GRID2: variants seen among roughly 807,000 people sequenced by gnomAD.
The protein encoded by GRID2 is glutamate receptor ionotropic, delta-2.
In GRID2, 33 loss-of-function variants were observed where a neutral mutation model predicts 114.8. The observed-to-expected ratio is 0.29, with a 90% CI of 0.22 to 0.38. The LOEUF (loss-of-function observed/expected upper bound fraction) is 0.38. Ranked by LOEUF, GRID2 falls within the 10% of genes least tolerant of loss-of-function variation. GRID2 has a pLI of 1.00. For missense variants in GRID2, 1,184 were observed against 1,257.7 expected (o/e 0.94, Z 0.89); for synonymous variants, 505 against 449.9 (o/e 1.12, Z -1.55).
chr4:93,002,407 C>CA (rs976957353), intron 2 of GRID2, among the ~76,000 whole-genome samples: 3 of 149,826 alleles, frequency 2.0e-5, no homozygotes, highest in Non-Finnish European at 3.0e-5. Context: ...TTACCGTAGC[C>CA]AAAAAAAACA....
intron 2 of GRID2, among the ~76,000 whole-genome samples, chr4:92,996,662 A>G (rs1445104658): frequency 6.6e-6 from 1 of 152,218 alleles, no homozygotes; most frequent in Non-Finnish European, 1.5e-5. Context: ...ACTCTTTTAG[A>G]TCACTCAGAT....
In GRID2 at chr4:93,372,623, C is replaced by T. The variant is rs181722513; in HGVS notation, c.1246-22984C>T. On this transcript the variant is annotated intron_variant, in intron 8 of 15. Transcript: ENST00000282020. ...TAAATGGTTTCTGTGTCTCTAGTGT[C>T]TTGTAGACATTAGAGGCACAGAAAC... Among the ~76,000 whole-genome samples the T allele has an allele frequency of 7.7e-3, 1,166 of 152,114 alleles. 46 individuals are homozygous for T. The highest frequency in any genetic ancestry group is 0.068 in the Admixed American group (1,041 of 15,258).
At position 93,145,718 on chromosome 4, in the gene GRID2, A is replaced by C. The variant is rs1271173424; in HGVS notation, c.735+34765A>C. Reference sequence around the variant, plus strand: ...ACCATGTTGGCCAGGCTTGTCTCGAACTCCTGACCTCAAGTGAACTGGCCG... The same window carrying C: ...ACCATGTTGGCCAGGCTTGTCTCGACCTCCTGACCTCAAGTGAACTGGCCG... On this transcript the variant is annotated intron_variant, in intron 4 of 15. Transcript: ENST00000282020. Among the ~76,000 whole-genome samples, 41 of 122,326 alleles carry C rather than the reference A, an allele frequency of 3.4e-4. 1 individual carries two copies. Among genetic ancestry groups the C allele is most frequent in the South Asian group, 1.5e-3 (6 of 3,974 alleles). 80.3% of individuals were successfully genotyped at this position (122,326 alleles called of 152,430 possible). A position where few individuals can be genotyped will look rare whatever the true frequency, so the allele number is the denominator to read the frequency against.
intron 8 of GRID2, among the ~76,000 whole-genome samples, chr4:93,245,918 T>C (rs1481505652): frequency 6.6e-6 from 1 of 152,218 alleles, no homozygotes; most frequent in Non-Finnish European, 1.5e-5. Flanking sequence ...ACACAAGAAC[T>C]ACAAAGTCTA....
At chr4:92,869,997 C>A (rs187768083) in intron 2 of GRID2, among the ~76,000 whole-genome samples, 5 of 151,694 alleles carry the variant, frequency 3.3e-5, no homozygotes, top group African/African-American at 1.2e-4. Flanking sequence ...TCAAGACCAG[C>A]CTGAGCAACC....
At chr4:93,327,374 A>C (rs1757944097) in intron 8 of GRID2, among the ~76,000 whole-genome samples, 1 of 152,136 alleles carries the variant, frequency 6.6e-6, no homozygotes, top group Admixed American at 6.6e-5. Context: ...ACAATACAGT[A>C]ATGTGTTCAG....
intron 1 of GRID2, among the ~76,000 whole-genome samples, chr4:92,579,344 T>C (rs1409540506): frequency 6.6e-6 from 1 of 152,074 alleles, no homozygotes; most frequent in Non-Finnish European, 1.5e-5. Flanking sequence ...TTATTCACTC[T>C]TTCCAGCTCT....
At position 92,846,980 on chromosome 4, in the gene GRID2, T is replaced by C. The variant is rs1743373474; in HGVS notation, c.245-238015T>C. Among the ~76,000 whole-genome samples the C allele has an allele frequency of 1.3e-5, 2 of 152,088 alleles. 1 individual carries two copies. Among genetic ancestry groups the C allele is most frequent in the Admixed American group, 1.3e-4 (2 of 15,226 alleles). On this transcript the variant is annotated intron_variant, in intron 2 of 15. Coordinates refer to ENST00000282020, the MANE Select transcript of GRID2 (RefSeq NM_001510.4). ...AAGCCAGCACTTTTTGTTAACACAA[T>C]AGAGCCTCCCACCAGTGGTATCCTT...
rs1474603015 is a variant in GRID2, at chr4:93,274,942, C to G, written c.1245+36452C>G. Among the ~76,000 whole-genome samples the G allele has an allele frequency of 3.3e-5, 5 of 151,904 alleles. 1 individual carries two copies. The highest frequency in any genetic ancestry group is 3.3e-4 in the Admixed American group (5 of 15,210). On this transcript the variant is annotated intron_variant, in intron 8 of 15. Coordinates refer to ENST00000282020, the MANE Select transcript of GRID2 (RefSeq NM_001510.4). ...TAAATCAAATACCATAAAGTTTATG[C>G]TTTTAACATGTAAAATTCAGTGCTT...
intron 8 of GRID2, among the ~76,000 whole-genome samples, chr4:93,270,923 C>T (rs1380936341): frequency 6.6e-6 from 1 of 152,116 alleles, no homozygotes; most frequent in Non-Finnish European, 1.5e-5. Flanking sequence ...GCCACCGTGC[C>T]CGGCCCATAA....
In GRID2 at chr4:92,714,447, C is replaced by T. The variant is rs549534632; in HGVS notation, c.244+124161C>T. ...CATTCTGGGGTCTGGAGAATGGTAG[C>T]CCTCTTCTCACAGCTCCACTAGGCA... is the stretch of plus-strand genomic sequence containing the variant. On this transcript the variant is annotated intron_variant, in intron 2 of 15. Transcript: ENST00000282020. Among the ~76,000 whole-genome samples, 6 of 152,238 alleles carry T rather than the reference C, an allele frequency of 3.9e-5. No homozygotes were observed. In the East Asian group the frequency reaches 1.2e-3, roughly 29 times the overall value.
chr4:92,419,077 G>A (rs1731763031), intron 1 of GRID2, among the ~76,000 whole-genome samples: 1 of 152,078 alleles, frequency 6.6e-6, no homozygotes, highest in Non-Finnish European at 1.5e-5. Context: ...TAGTGGGATA[G>A]ATTTTGAATT....
chr4:92,589,539 A>G (rs1020573856), intron 1 of GRID2, among the ~76,000 whole-genome samples: 17 of 152,220 alleles, frequency 1.1e-4, no homozygotes, highest in Non-Finnish European at 2.2e-4. Context: ...TAGGACTTAC[A>G]TTAGTTCCTT....
intron 14 of GRID2, among the ~76,000 whole-genome samples, chr4:93,727,687 A>C (rs1285434778): frequency 1.3e-5 from 2 of 152,176 alleles, no homozygotes; most frequent in African/African-American, 2.4e-5. Flanking sequence ...CTATTCAGAG[A>C]TTCAACTTCT....
intron 1 of GRID2, among the ~76,000 whole-genome samples, chr4:92,485,334 A>AG (rs1214769446): frequency 0.011 from 1,083 of 102,562 alleles, 40 homozygotes; most frequent in African/African-American, 0.034. Flanking sequence ...ATATATATAT[A>AG]TATATATATA....
intron 13 of GRID2, among the ~76,000 whole-genome samples, chr4:93,558,281 A>T (rs1734523204): frequency 6.6e-6 from 1 of 152,180 alleles, no homozygotes; most frequent in Non-Finnish European, 1.5e-5. Flanking sequence ...ACCCTTCAAA[A>T]ATCAATGAAT....
At chr4:93,329,787 G>A (rs1377749836) in intron 8 of GRID2, among the ~76,000 whole-genome samples, 4 of 152,062 alleles carry the variant, frequency 2.6e-5, no homozygotes, top group African/African-American at 9.7e-5. Context: ...TGACTACTAT[G>A]CAAATATCTT....
intron 2 of GRID2, among the ~76,000 whole-genome samples, chr4:92,655,161 T>C (rs1244319332): frequency 6.6e-6 from 1 of 152,038 alleles, no homozygotes; most frequent in East Asian, 1.9e-4. Flanking sequence ...CTTTTTCCAA[T>C]GTTTGTTCTT....
chr4:92,985,278 C>T (rs1294358756), intron 2 of GRID2, among the ~76,000 whole-genome samples: 9 of 150,192 alleles, frequency 6.0e-5, no homozygotes, highest in Admixed American at 2.0e-4. Flanking sequence ...GGCTGGACTG[C>T]AGTGGCGCGA....
Sources: gnomAD v4.1 joint callset for allele counts (sites outside exome capture counted in the v4.1 genomes callset) on GRCh38, gnomAD v4.1.1 for gene constraint, MANE v1.5 for transcripts, NCBI Gene and HGNC (gene_info 2026-07-23, HGNC 2026-07-21) for gene names.